CFAP91: variants seen among roughly 807,000 people sequenced by gnomAD.
CFAP91 encodes the protein cilia and flagella associated protein 91, also known as cilia- and flagella-associated protein 91.
In CFAP91, 85 loss-of-function variants were observed where a neutral mutation model predicts 95.9. The ratio of observed to expected loss-of-function variants is 0.89; its 90% CI spans 0.74 to 1.06. The LOEUF is 1.06. Among genes scored for constraint, CFAP91 ranks in the 50% least tolerant of loss-of-function variants. CFAP91 has a pLI of 0.00. For synonymous variants in CFAP91, 335 were observed against 327.5 expected (o/e 1.02, Z -0.25); for missense variants, 962 against 943.4 (o/e 1.02, Z -0.26).
At chr3:119,734,066 A>C (rs1043453806) in intron 10 of CFAP91, among the ~76,000 whole-genome samples, 4 of 152,062 alleles carry the variant, frequency 2.6e-5, no homozygotes, top group African/African-American at 9.7e-5. Context: ...TCAGAATCTC[A>C]TGGAGGACTT....
At chr3:119,754,895 A>C (rs1292519888) in intron 17 of CFAP91, among the ~76,000 whole-genome samples, 1 of 152,250 alleles carries the variant, frequency 6.6e-6, no homozygotes, top group Non-Finnish European at 1.5e-5. Flanking sequence ...GGGCTTAGAA[A>C]GCAAGACACT....
At chr3:119,706,652 C>A in intron 1 of CFAP91, 157 bp from the exon 2 acceptor site, 1 of 585,900 alleles carries the variant, frequency 1.7e-6, no homozygotes, top group Non-Finnish European at 3.1e-6. Flanking sequence ...AGTAACAGGG[C>A]CACATGCACA....
At chr3:119,718,746 T>G (rs2053625428) in intron 6 of CFAP91, among the ~76,000 whole-genome samples, 1 of 152,186 alleles carries the variant, frequency 6.6e-6, no homozygotes, top group Non-Finnish European at 1.5e-5. Context: ...AAACCTAGAA[T>G]TCTTTTACCA....
rs576288345 is a variant in CFAP91 at position 119,715,938 on chromosome 3, G to C, written c.682+195G>C. 11 of 607,808 alleles carry C rather than the reference G, an allele frequency of 1.8e-5. No homozygotes were observed. In the South Asian group the frequency reaches 2.0e-4, roughly 11 times the overall value. The allele number at this position is 607,808 out of a possible 1,614,324, so 37.7% of individuals were successfully genotyped here. On this transcript the variant is annotated intron_variant, in intron 6 of 17. Coordinates refer to ENST00000273390, the MANE Select transcript of CFAP91 (RefSeq NM_033364.4). ...AGATACTATCTTTTTATTGTGAGTAGTTTTATCGTACTCTATCTGTGAAGC... is the reference window on the plus strand; with the variant it reads ...AGATACTATCTTTTTATTGTGAGTACTTTTATCGTACTCTATCTGTGAAGC...
chr3:119,737,614 T>C (rs2107895302), intron 11 of CFAP91, 132 bp downstream of exon 11: 1 of 522,086 alleles, frequency 1.9e-6, no homozygotes, highest in Admixed American at 3.7e-5. Context: ...ATATTGTCTT[T>C]ATTCTTATGT....
Position 119,703,097 on chromosome 3 carries a change from C to T in CFAP91, c.-2C>T. The T allele has an allele frequency of 1.3e-6, 2 of 1,553,740 alleles. No individual in the cohort carries two copies. On this transcript the variant is annotated 5_prime_UTR_variant, in exon 1 of 18. Coordinates refer to ENST00000273390, the MANE Select transcript of CFAP91 (RefSeq NM_033364.4). ...TGCTGGCGGGAGGAAAGAGGCGGCA[C>T]CATGAGCCACGCAGTAACCATCGAG...
intron 5 of CFAP91, among the ~76,000 whole-genome samples, chr3:119,710,962 A>G (rs140566021): frequency 6.6e-6 from 1 of 152,230 alleles, no homozygotes; most frequent in Non-Finnish European, 1.5e-5. Context: ...ATATAATTTA[A>G]TATTTCTGTA....
intron 13 of CFAP91, among the ~76,000 whole-genome samples, 185 bp from the exon 14 acceptor site, chr3:119,743,790 C>T (rs1320858988): frequency 1.3e-5 from 2 of 152,212 alleles, no homozygotes; most frequent in African/African-American, 4.8e-5. Context: ...TCGACTTTCT[C>T]GTGCCTCAGT....
chr3:119,707,445 C>A lies in CFAP91; in HGVS notation c.243C>A (p.Ile81=). The change falls in exon 3 of 18, where the codon ATC becomes ATA. Residue 81 remains isoleucine, a synonymous_variant. Transcript: ENST00000273390. ...PRFKTMFSNL[I]HYPRYSLYWS... is the part of the protein sequence containing the mutation. ...TTAAAACCATGTTCAGTAACCTGAT[C>A]CATTATCCAAGATATTCTCTATATT... The A allele has an allele frequency of 6.3e-7, 1 of 1,586,002 alleles. No individual in the cohort carries two copies. The highest frequency in any genetic ancestry group is 8.6e-7 in the Non-Finnish European group (1 of 1,161,234).
Position 119,740,906 on chromosome 3 carries a change from G to A in CFAP91, c.1680+211G>A, listed in dbSNP as rs142086003. 2.8e-4 allele frequency: 156 copies of A among 559,136 alleles called. No individual in the cohort carries two copies. The East Asian group carries it at 5.6e-3, about 20-fold the overall frequency. 34.6% of individuals were successfully genotyped at this position (559,136 alleles called of 1,614,324 possible). A position where few individuals can be genotyped will look rare whatever the true frequency, so the allele number is the denominator to read the frequency against. On this transcript the variant is annotated intron_variant, in intron 13 of 17. Transcript: ENST00000273390. Reference sequence around the variant, plus strand: ...GTTTCACTCTATCGCCCAGGCTGAAGTGCAGTGATGCAGTCGTGGCTCACT... The same window carrying A: ...GTTTCACTCTATCGCCCAGGCTGAAATGCAGTGATGCAGTCGTGGCTCACT...
intron 5 of CFAP91, chr3:119,713,014 G>A (rs1017630870): frequency 1.3e-5 from 2 of 151,176 alleles, no homozygotes; most frequent in Non-Finnish European, 2.9e-5. Flanking sequence ...TCCAGCACAG[G>A]TTGAACTTCC....
intron 1 of CFAP91, among the ~76,000 whole-genome samples, chr3:119,705,451 C>G (rs749895536): frequency 7.2e-5 from 11 of 152,190 alleles, no homozygotes; most frequent in Non-Finnish European, 1.2e-4. Flanking sequence ...GTCCTGGTTT[C>G]TTTGCTATTC....
At chr3:119,730,587 C>G (rs537616820) in intron 8 of CFAP91, among the ~76,000 whole-genome samples, 1 of 144,480 alleles carries the variant, frequency 6.9e-6, no homozygotes, top group African/African-American at 2.6e-5. Flanking sequence ...AACAGGTAGT[C>G]GAGTTACTGA....
intron 3 of CFAP91, 38 bp downstream of exon 3, chr3:119,707,599 A>G (rs1449176833): frequency 6.7e-7 from 1 of 1,503,060 alleles, no homozygotes; most frequent in East Asian, 2.3e-5. Flanking sequence ...AAATAAATGC[A>G]TTAAAAGCAT....
intron 14 of CFAP91, among the ~76,000 whole-genome samples, chr3:119,746,682 C>G (rs28370398): frequency 0.016 from 2,506 of 152,248 alleles, 61 homozygotes; most frequent in African/African-American, 0.057. Context: ...GCACCTGTTT[C>G]CCTAGCTAAA....
At chr3:119,724,210 A>C (rs2053737349) in intron 6 of CFAP91, among the ~76,000 whole-genome samples, 1 of 152,040 alleles carries the variant, frequency 6.6e-6, no homozygotes, top group South Asian at 2.1e-4. Context: ...AAAATGCTTA[A>C]GTAATGTTAG....
intron 12 of CFAP91, among the ~76,000 whole-genome samples, 170 bp from the exon 13 acceptor site, chr3:119,740,379 A>G (rs2054092119): frequency 6.6e-6 from 1 of 152,250 alleles, no homozygotes; most frequent in South Asian, 2.1e-4. Context: ...GAAGGCACAG[A>G]AAAGAGGGCT....
At chr3:119,718,854 A>G (rs955092339) in intron 6 of CFAP91, among the ~76,000 whole-genome samples, 1 of 151,828 alleles carries the variant, frequency 6.6e-6, no homozygotes, top group African/African-American at 2.4e-5. Flanking sequence ...AAGTAAATTT[A>G]TTTATGTAAT....
intron 13 of CFAP91, among the ~76,000 whole-genome samples, chr3:119,742,545 T>C (rs1440739817): frequency 6.6e-6 from 1 of 152,182 alleles, no homozygotes; most frequent in Non-Finnish European, 1.5e-5. Context: ...CACCTCAGGA[T>C]TTTCAAGGTT....
Sources: gnomAD v4.1 joint callset for allele counts (sites outside exome capture counted in the v4.1 genomes callset) on GRCh38, gnomAD v4.1.1 for gene constraint, MANE v1.5 for transcripts, NCBI Gene and HGNC (gene_info 2026-07-23, HGNC 2026-07-21) for gene names.